The following ARHGEF26 variants were observed in gnomAD, a reference collection of about 807,000 sequenced individuals.
ARHGEF26 encodes Rho guanine nucleotide exchange factor 26.
ARHGEF26 carries 59 observed loss-of-function variants against 89.4 expected under a neutral mutation model. The ratio of observed to expected loss-of-function variants is 0.66; its 90% CI spans 0.54 to 0.82. The LOEUF (loss-of-function observed/expected upper bound fraction) is 0.82, where lower values mean the gene tolerates loss of function less well. Among genes scored for constraint, ARHGEF26 ranks in the 40% least tolerant of loss-of-function variants. The pLI is 0.00. For synonymous variants in ARHGEF26, 500 were observed against 428.4 expected, an observed-to-expected ratio of 1.17 and a Z score of -2.06; for missense variants, 1,234 against 1,085.6, an observed-to-expected ratio of 1.14 and a Z score of -1.92.
intron 6 of ARHGEF26, among the ~76,000 whole-genome samples, chr3:154,164,915 G>A (rs1236972321): frequency 2.6e-5 from 4 of 152,160 alleles, no homozygotes; most frequent in Non-Finnish European, 5.9e-5. Flanking sequence ...TTTACTTGAA[G>A]GCATTCAGTT....
intron 4 of ARHGEF26, among the ~76,000 whole-genome samples, chr3:154,138,577 C>T (rs889667503): frequency 1.3e-5 from 2 of 152,124 alleles, no homozygotes; most frequent in Admixed American, 6.5e-5. Context: ...GTGTGTGCAC[C>T]AGTTGCCCGA....
intron 6 of ARHGEF26, among the ~76,000 whole-genome samples, chr3:154,185,055 C>T (rs1164310056): frequency 3.9e-5 from 6 of 152,144 alleles, no homozygotes; most frequent in South Asian, 2.1e-4. Flanking sequence ...CCAGCTTACA[C>T]GTGTCCTTAC....
intron 6 of ARHGEF26, among the ~76,000 whole-genome samples, chr3:154,170,399 A>G (rs1343570069): frequency 6.6e-6 from 1 of 152,262 alleles, no homozygotes; most frequent in East Asian, 1.9e-4. Context: ...AAACAAACCC[A>G]TGACTTCCTA....
intron 6 of ARHGEF26, among the ~76,000 whole-genome samples, chr3:154,163,152 G>A (rs1711772214): frequency 6.6e-6 from 1 of 152,136 alleles, no homozygotes; most frequent in African/African-American, 2.4e-5. Context: ...AGTGTTTTGA[G>A]TGTTTATTTA....
At chr3:154,199,091 T>C (rs945630601) in intron 9 of ARHGEF26, among the ~76,000 whole-genome samples, 1 of 151,996 alleles carries the variant, frequency 6.6e-6, no homozygotes, top group Non-Finnish European at 1.5e-5. Flanking sequence ...TATTTTAAAA[T>C]GTAGGGGGTT....
intron 6 of ARHGEF26, among the ~76,000 whole-genome samples, chr3:154,159,533 C>G (rs1361063754): frequency 6.6e-6 from 1 of 152,060 alleles, no homozygotes; most frequent in Admixed American, 6.6e-5. Flanking sequence ...TTACCCCGCA[C>G]TTGCTTCTCC....
chr3:154,168,624 T>A (rs1053276296), intron 6 of ARHGEF26, among the ~76,000 whole-genome samples: 1 of 152,060 alleles, frequency 6.6e-6, no homozygotes. Context: ...CCAAAGATTA[T>A]CAAATAGCAT....
At chr3:154,196,932 G>A in intron 9 of ARHGEF26, among the ~76,000 whole-genome samples, 1 of 151,926 alleles carries the variant, frequency 6.6e-6, no homozygotes, top group East Asian at 1.9e-4. Flanking sequence ...GAAGGTACTA[G>A]TAGTTGGTTG....
chr3:154,194,322 G>A (rs1465085749), intron 8 of ARHGEF26, among the ~76,000 whole-genome samples: 2 of 152,174 alleles, frequency 1.3e-5, no homozygotes, highest in African/African-American at 4.8e-5. Context: ...CAGTTTTACA[G>A]ATGAGGAAAG....
intron 9 of ARHGEF26, among the ~76,000 whole-genome samples, chr3:154,205,830 T>C (rs538694405): frequency 5.3e-5 from 8 of 152,208 alleles, no homozygotes; most frequent in Non-Finnish European, 7.4e-5. Context: ...TTATATCTTA[T>C]TGTACTGACT....
Position 154,121,883 on chromosome 3 carries a change from G to C in ARHGEF26, c.-51-59G>C, listed in dbSNP as rs539780232. 9.1e-6 allele frequency: 13 copies of C among 1,428,230 alleles called. No individual in the cohort carries two copies. In the South Asian group the frequency reaches 1.9e-4, roughly 21 times the overall value. 88.5% of individuals were successfully genotyped at this position (1,428,230 alleles called of 1,614,324 possible). A position where few individuals can be genotyped will look rare whatever the true frequency, so the allele number is the denominator to read the frequency against. On this transcript the variant is annotated intron_variant, in intron 1 of 14. Coordinates refer to ENST00000465093, the MANE Select transcript of ARHGEF26 (RefSeq NM_015595.4). ...GGACCGCCGGTCTGGGAGCACGCGA[G>C]TCGGCCAGGCGTCCCCGGTTGTCCA... is the stretch of plus-strand genomic sequence containing the variant.
At chr3:154,227,570 T>G (rs1364258382) in intron 11 of ARHGEF26, among the ~76,000 whole-genome samples, 1 of 152,196 alleles carries the variant, frequency 6.6e-6, no homozygotes, top group Non-Finnish European at 1.5e-5. Context: ...CATGAGCCAC[T>G]GCGCCCAGCC....
chr3:154,233,338 A>G (rs1024774118), intron 11 of ARHGEF26, among the ~76,000 whole-genome samples: 3 of 152,234 alleles, frequency 2.0e-5, no homozygotes, highest in Non-Finnish European at 4.4e-5. Flanking sequence ...GCATAAATTC[A>G]ATGTCCTTCA....
intron 3 of ARHGEF26, among the ~76,000 whole-genome samples, chr3:154,126,167 G>A (rs151191757): frequency 6.6e-6 from 1 of 152,152 alleles, no homozygotes; most frequent in Non-Finnish European, 1.5e-5. Flanking sequence ...ATGACAATCA[G>A]AGACCAGTAA....
At position 154,122,169 on chromosome 3, in the gene ARHGEF26, C is replaced by T. The variant is rs551080787; in HGVS notation, c.177C>T (p.Leu59=). ...TDFPVEDGGT[L]LAAQIPAQVP... is the part of the protein sequence containing the mutation. ...TCCCGGTGGAGGACGGAGGGACGCT[C>T]CTCGCAGCGCAGATTCCCGCCCAGG... The change falls in exon 2 of 15, where the codon CTC becomes CTT. Residue 59 remains leucine (L), a synonymous_variant. Transcript: ENST00000465093. The T allele has an allele frequency of 6.3e-7, 1 of 1,599,772 alleles. No individual in the cohort carries two copies. Among genetic ancestry groups the T allele is most frequent in the East Asian group, 2.3e-5 (1 of 43,904 alleles).
chr3:154,132,252 C>A (rs554900964), intron 4 of ARHGEF26, among the ~76,000 whole-genome samples: 15 of 152,278 alleles, frequency 9.9e-5, no homozygotes, highest in South Asian at 6.2e-4. Context: ...TAATCAATTT[C>A]TGTGTACCTA....
chr3:154,134,653 T>C (rs6769099), intron 4 of ARHGEF26, among the ~76,000 whole-genome samples: 138,382 of 152,108 alleles, frequency 0.91, 63,174 homozygotes, highest in East Asian at 1. Flanking sequence ...TATCTTGTGC[T>C]GGTTTTCAAG....
intron 11 of ARHGEF26, among the ~76,000 whole-genome samples, chr3:154,238,836 A>G (rs1717280182): frequency 6.6e-6 from 1 of 152,196 alleles, no homozygotes; most frequent in Admixed American, 6.5e-5. Flanking sequence ...ATGAATGTGT[A>G]TGCAAGATGT....
chr3:154,204,621 T>C (rs449361), intron 9 of ARHGEF26, among the ~76,000 whole-genome samples: 138,888 of 152,194 alleles, frequency 0.91, 63,627 homozygotes, highest in East Asian at 1. Flanking sequence ...TGAGCCACTG[T>C]ACCCAGCCTT....
Sources: gnomAD v4.1 joint callset for allele counts (sites outside exome capture counted in the v4.1 genomes callset) on GRCh38, gnomAD v4.1.1 for gene constraint, MANE v1.5 for transcripts, NCBI Gene and HGNC (gene_info 2026-07-23, HGNC 2026-07-21) for gene names.